The following TMPRSS9 variants were observed in gnomAD, a reference collection of about 807,000 sequenced individuals.
TMPRSS9 encodes transmembrane protease serine 9.
Under a neutral mutation model 111.4 loss-of-function variants are expected in TMPRSS9, and 113 were observed. That is an observed-to-expected ratio of 1.01 (90% CI 0.87 to 1.19). TMPRSS9 has a LOEUF of 1.19. Among genes scored for constraint, TMPRSS9 ranks in the 50% most tolerant of loss-of-function variants. The pLI is 0.00. For missense variants in TMPRSS9, 1,803 were observed against 1,513.1 expected (o/e 1.19, Z -3.18); for synonymous variants, 805 against 659.1 (o/e 1.22, Z -3.39).
intron 1 of TMPRSS9, among the ~76,000 whole-genome samples, chr19:2,379,664 T>C (rs1052106076): frequency 1.3e-5 from 2 of 149,940 alleles, no homozygotes; most frequent in Non-Finnish European, 3.0e-5. Flanking sequence ...TTTCTTTCTT[T>C]CTTTCTTTCT....
chr19:2,372,674 A>G (rs1416428744), intron 1 of TMPRSS9, among the ~76,000 whole-genome samples: 2 of 152,150 alleles, frequency 1.3e-5, no homozygotes, highest in African/African-American at 2.4e-5. Flanking sequence ...TAAGAGAAAG[A>G]TTCATTGAAA....
chr19:2,371,515 T>G (rs2385175), intron 1 of TMPRSS9, among the ~76,000 whole-genome samples: 17 of 151,856 alleles, frequency 1.1e-4, no homozygotes, highest in African/African-American at 3.9e-4. Context: ...AGCAAAACCC[T>G]GTCTCTACTA....
chr19:2,370,663 A>G (rs868496291), intron 1 of TMPRSS9, among the ~76,000 whole-genome samples: 19 of 152,136 alleles, frequency 1.2e-4, no homozygotes, highest in Admixed American at 3.3e-4. Flanking sequence ...TTGCATTATA[A>G]TGAGATGGGT....
In TMPRSS9 at chr19:2,421,844, T is replaced by C; in HGVS notation, c.2155-10T>C. 6.3e-7 allele frequency: 1 copy of C among 1,581,546 alleles called. No homozygotes were observed. The highest frequency in any genetic ancestry group is 8.6e-7 in the Non-Finnish European group (1 of 1,163,238). On this transcript the variant is annotated splice_polypyrimidine_tract_variant and intron_variant, in intron 13 of 17. Coordinates refer to ENST00000648592, the Ensembl canonical transcript of TMPRSS9. ...GGAGGACCAACCAGTGCTCTTTCCT[T>C]CCTTTCTAGGGTGACTCTGGGGGCC...
Position 2,424,894 on chromosome 19 carries a change from G to A in TMPRSS9, c.2718-108G>A, listed in dbSNP as rs931096241. On this transcript the variant is annotated intron_variant, in intron 15 of 17. Transcript: ENST00000648592. ...CCAGACCGACAGCCAGAGACCAAGA[G>A]GCCAATAACCCTGCCCAGGGTGCCA... The A allele has an allele frequency of 1.2e-5, 16 of 1,307,498 alleles. No homozygotes were observed. The South Asian group carries it at 2.8e-4, about 23-fold the overall frequency. The allele number at this position is 1,307,498 out of a possible 1,614,324, so 81.0% of individuals were successfully genotyped here. A position where few individuals can be genotyped will look rare whatever the true frequency, so the allele number is the denominator to read the frequency against.
At chr19:2,421,278 A>G (rs1208635101) in intron 13 of TMPRSS9, among the ~76,000 whole-genome samples, 1 of 150,664 alleles carries the variant, frequency 6.6e-6, no homozygotes, top group Non-Finnish European at 1.5e-5. Context: ...CATGGCTGTT[A>G]TTGTTGTTAT....
In TMPRSS9 at chr19:2,373,762, G is replaced by A. The variant is rs182455613; in HGVS notation, c.-26+13402G>A. ...CGATCCACCCGCCTCAGCCTCTTAA[G>A]GCGCTGGGATTACAGGCATGAGCCA... On this transcript the variant is annotated intron_variant, in intron 1 of 17. Transcript: ENST00000649857. Among the ~76,000 whole-genome samples the A allele has an allele frequency of 5.0e-4, 76 of 152,262 alleles. No individual in the cohort carries two copies. In the East Asian group the frequency reaches 0.013, roughly 26 times the overall value.
chr19:2,379,615 C>CTCTCTCTTTCTTTCTT (rs1555676516), intron 1 of TMPRSS9, among the ~76,000 whole-genome samples: 2 of 118,618 alleles, frequency 1.7e-5, no homozygotes, highest in African/African-American at 6.4e-5. Flanking sequence ...AACTTTCTTT[C>CTCTCTCTTTCTTTCTT]TCTTTCTTTC....
chr19:2,403,110 C>T (rs191226188), exon 6 of TMPRSS9: 314 of 1,611,898 alleles, frequency 1.9e-4, no homozygotes, highest in Middle Eastern at 5.0e-4. Flanking sequence ...CCTTTTCCTG[C>T]GGGAACAGCC....
At chr19:2,416,382 C>G in intron 11 of TMPRSS9, 156 bp from the exon 13 acceptor site, 1 of 992,146 alleles carries the variant, frequency 1.0e-6, no homozygotes, top group South Asian at 1.8e-5. Context: ...GCCCCTCTTT[C>G]CCTGGTCCTC....
At chr19:2,396,740 C>T (rs971986680) in intron 2 of TMPRSS9, 74 bp downstream of exon 3, 13 of 1,517,110 alleles carry the variant, frequency 8.6e-6, no homozygotes, top group East Asian at 2.3e-5. Context: ...AGGTGCTTTC[C>T]GTGTGGGAGG....
chr19:2,424,940 A>G (rs7343178), intron 15 of TMPRSS9, 62 bp from the exon 17 acceptor site: 427,088 of 1,383,374 alleles, frequency 0.31, 68,727 homozygotes, highest in African/African-American at 0.54. Flanking sequence ...GGGGGACACC[A>G]CAGGGGCGGG....
chr19:2,403,636 C>T (rs547931604), intron 6 of TMPRSS9, among the ~76,000 whole-genome samples: 4 of 151,508 alleles, frequency 2.6e-5, no homozygotes, highest in Admixed American at 2.0e-4. Context: ...GCAGGAGGAT[C>T]ACTTGAGGCC....
exon 15 of TMPRSS9, chr19:2,424,115 A>G: frequency 7.3e-7 from 1 of 1,362,436 alleles, no homozygotes. Context: ...GGCCGCGCTC[A>G]CCAGGATTGT....
intron 1 of TMPRSS9, among the ~76,000 whole-genome samples, chr19:2,395,262 A>G (rs142386541): frequency 6.6e-6 from 1 of 151,706 alleles, no homozygotes; most frequent in Non-Finnish European, 1.5e-5. Flanking sequence ...TACTAAAAAT[A>G]CAAAAAAACT....
At chr19:2,415,687 G>A (rs1365083022) in exon 11 of TMPRSS9, 3 of 1,602,338 alleles carry the variant, frequency 1.9e-6, no homozygotes, top group Middle Eastern at 1.8e-4. Context: ...GGCCAGGCCT[G>A]CAATGGAGAA....
exon 7 of TMPRSS9, chr19:2,405,413 T>A (rs1599299275): frequency 1.2e-6 from 2 of 1,606,666 alleles, no homozygotes; most frequent in African/African-American, 2.7e-5. Flanking sequence ...GCCGGCAGGA[T>A]CGTGGGCGGC....
intron 1 of TMPRSS9, among the ~76,000 whole-genome samples, chr19:2,391,955 T>C (rs941758952): frequency 1.3e-5 from 2 of 151,980 alleles, no homozygotes; most frequent in African/African-American, 4.8e-5. Context: ...TTGGCCAGGA[T>C]GGTCTCAAAC....
chr19:2,399,087 C>G, exon 4 of TMPRSS9: 1 of 1,613,674 alleles, frequency 6.2e-7, no homozygotes, highest in Non-Finnish European at 8.5e-7. Flanking sequence ...AGACGCTGAG[C>G]CTGGGCCTGG....
Sources: gnomAD v4.1 joint callset for allele counts (sites outside exome capture counted in the v4.1 genomes callset) on GRCh38, gnomAD v4.1.1 for gene constraint, MANE v1.5 for transcripts, NCBI Gene and HGNC (gene_info 2026-07-23, HGNC 2026-07-21) for gene names.